Variants in AGFG1 observed in about 807,000 individuals in gnomAD.
AGFG1 encodes the protein arf-GAP domain and FG repeat-containing protein 1.
In AGFG1, 10 loss-of-function variants were observed where a neutral mutation model predicts 60.6. The ratio of observed to expected loss-of-function variants is 0.16; its 90% CI spans 0.10 to 0.28. The LOEUF is 0.28. AGFG1 is among the 10% of genes least tolerant of loss of function. The pLI is 1.00. For missense variants in AGFG1, 537 were observed against 676.5 expected, an observed-to-expected ratio of 0.79 and a Z score of 2.29; for synonymous variants, 247 against 242.9, an observed-to-expected ratio of 1.02 and a Z score of -0.16.
At chr2:227,544,465 G>A (rs1172160788) in intron 10 of AGFG1, among the ~76,000 whole-genome samples, 1 of 152,110 alleles carries the variant, frequency 6.6e-6, no homozygotes, top group African/African-American at 2.4e-5. Flanking sequence ...TACATTTAAG[G>A]TTAATATTGT....
Position 227,552,740 on chromosome 2 carries a change from G to T in AGFG1, c.1537+623G>T, listed in dbSNP as rs113058438. ...ATATGGGCTGGGCGTGGTGGCTTAC[G>T]CCTGTAATCCCAGCACTTTGGGAGG... is the stretch of plus-strand genomic sequence containing the variant. On this transcript the variant is annotated intron_variant, in intron 11 of 12. Coordinates refer to ENST00000310078, the MANE Select transcript of AGFG1 (RefSeq NM_004504.5). 2.2e-3 allele frequency among the ~76,000 whole-genome samples: 330 copies of T among 149,838 alleles called. 1 individual carries two copies. Among genetic ancestry groups the T allele is most frequent in the African/African-American group, 7.8e-3 (316 of 40,774 alleles).
At chr2:227,533,117 A>T (rs548606067) in intron 6 of AGFG1, among the ~76,000 whole-genome samples, 64 of 152,246 alleles carry the variant, frequency 4.2e-4, no homozygotes, top group African/African-American at 1.3e-3. Flanking sequence ...GTTAATCGCT[A>T]CCCCTGGGAT....
In AGFG1 at chr2:227,554,749, A is replaced by G. The variant is rs9973; in HGVS notation, c.*254A>G. The G allele has an allele frequency of 6.2e-4, 226 of 362,430 alleles. No individual in the cohort carries two copies. The highest frequency in any genetic ancestry group is 8.9e-4 in the Non-Finnish European group (178 of 200,372). The allele number at this position is 362,430 out of a possible 1,614,324, so 22.5% of individuals were successfully genotyped here. A position where few individuals can be genotyped will look rare whatever the true frequency, so the allele number is the denominator to read the frequency against. On this transcript the variant is annotated 3_prime_UTR_variant, in exon 13 of 13. Transcript: ENST00000310078. ...AAATTGGCTAATATTAAGTTATTGC[A>G]GATACCACATTCATTATGCTGCAGT...
At chr2:227,530,130 G>T (rs1692115466) in intron 5 of AGFG1, among the ~76,000 whole-genome samples, 1 of 152,052 alleles carries the variant, frequency 6.6e-6, no homozygotes. Flanking sequence ...TTAATTTGGG[G>T]TCTTAAGTTC....
At chr2:227,549,767 A>G (rs191030965) in intron 10 of AGFG1, among the ~76,000 whole-genome samples, 13 of 152,314 alleles carry the variant, frequency 8.5e-5, no homozygotes, top group Admixed American at 5.9e-4. Flanking sequence ...TAATGACTGT[A>G]AAAAAGTTGA....
intron 3 of AGFG1, among the ~76,000 whole-genome samples, chr2:227,521,264 G>T (rs984189447): frequency 6.6e-6 from 1 of 151,772 alleles, no homozygotes; most frequent in South Asian, 2.1e-4. Context: ...ACAGGGTTTC[G>T]CCATGTTGGC....
intron 2 of AGFG1, among the ~76,000 whole-genome samples, chr2:227,510,101 A>G (rs1691450781): frequency 6.6e-6 from 1 of 152,200 alleles, no homozygotes; most frequent in Non-Finnish European, 1.5e-5. Context: ...TCTTAAATTT[A>G]TAAAGCTCTT....
intron 2 of AGFG1, among the ~76,000 whole-genome samples, chr2:227,515,988 T>G (rs957432574): frequency 6.6e-6 from 1 of 152,218 alleles, no homozygotes; most frequent in Non-Finnish European, 1.5e-5. Flanking sequence ...CTGTGTTAAA[T>G]GAATCTTACC....
At chr2:227,539,046 TGAA>T (rs1692399461) in intron 10 of AGFG1, among the ~76,000 whole-genome samples, 1 of 152,240 alleles carries the variant, frequency 6.6e-6, no homozygotes, top group African/African-American at 2.4e-5. Flanking sequence ...CTATTGAAGC[TGAA>T]ATATAAACAA....
At chr2:227,534,786 T>G in intron 7 of AGFG1, 59 bp from the exon 8 acceptor site, 18 of 1,576,608 alleles carry the variant, frequency 1.1e-5, no homozygotes, top group African/African-American at 2.7e-5. Flanking sequence ...CAAATGTGGT[T>G]GATAAGTTGA....
intron 2 of AGFG1, among the ~76,000 whole-genome samples, chr2:227,507,471 C>T (rs999384716): frequency 2.6e-5 from 4 of 151,940 alleles, no homozygotes; most frequent in African/African-American, 9.7e-5. Context: ...GGCGTGGTGG[C>T]ACATGCCTGT....
chr2:227,541,140 A>G (rs1195851371), intron 10 of AGFG1, among the ~76,000 whole-genome samples: 1 of 152,114 alleles, frequency 6.6e-6, no homozygotes, highest in African/African-American at 2.4e-5. Flanking sequence ...CCCATTCTGT[A>G]GGTTGCCTGT....
chr2:227,518,525 T>TC (rs1179005491), intron 2 of AGFG1, among the ~76,000 whole-genome samples: 5 of 150,262 alleles, frequency 3.3e-5, no homozygotes, highest in Admixed American at 2.6e-4. Context: ...TCTTTTTTTT[T>TC]TTTTTTTTTT....
intron 1 of AGFG1, 134 bp from the exon 2 acceptor site, chr2:227,491,413 A>G (rs1690812871): frequency 1.9e-6 from 1 of 520,742 alleles, no homozygotes; most frequent in Non-Finnish European, 3.3e-6. Context: ...ATAATTTAAA[A>G]ATACTTTGAG....
intron 5 of AGFG1, among the ~76,000 whole-genome samples, chr2:227,530,010 A>G (rs1417055784): frequency 1.3e-5 from 2 of 152,088 alleles, no homozygotes; most frequent in Admixed American, 6.6e-5. Context: ...TATCTGTCAG[A>G]TGAATTTGCT....
In AGFG1 at chr2:227,558,126, A is replaced by G. The variant is rs1259970513; in HGVS notation, c.*3631A>G. On this transcript the variant is annotated 3_prime_UTR_variant, in exon 13 of 13. Coordinates refer to ENST00000310078, the MANE Select transcript of AGFG1 (RefSeq NM_004504.5). Reference sequence around the variant, plus strand: ...GTATGAGATAGTCATTTGTAAAACAATTTTCATATTTCATCTCTTACAATC... The same window carrying G: ...GTATGAGATAGTCATTTGTAAAACAGTTTTCATATTTCATCTCTTACAATC... 5 of 152,176 alleles carry G rather than the reference A, an allele frequency of 3.3e-5. No individual in the cohort carries two copies. The South Asian group carries it at 6.2e-4, about 19-fold the overall frequency. 9.4% of individuals were successfully genotyped at this position (152,176 alleles called of 1,614,324 possible). A position where few individuals can be genotyped will look rare whatever the true frequency, so the allele number is the denominator to read the frequency against.
intron 1 of AGFG1, among the ~76,000 whole-genome samples, chr2:227,484,270 C>T (rs190398429): frequency 7.8e-4 from 119 of 152,148 alleles, no homozygotes; most frequent in African/African-American, 2.8e-3. Context: ...CTCACTGCAA[C>T]CTCTGCCTCC....
Position 227,484,677 on chromosome 2 carries a change from GTTTTTTTTTTGTTTTTTTTTTTTTTTT to G in AGFG1, c.168-6859_168-6833del, listed in dbSNP as rs750583292. Among the ~76,000 whole-genome samples the G allele has an allele frequency of 1.7e-3, 196 of 115,892 alleles. 4 individuals are homozygous for G. Among genetic ancestry groups the G allele is most frequent in the African/African-American group, 4.7e-3 (142 of 29,956 alleles). The allele number at this position is 115,892 out of a possible 152,430, so 76.0% of individuals were successfully genotyped here. On this transcript the variant is annotated intron_variant, in intron 1 of 12. Transcript: ENST00000310078. The stretch of plus-strand genomic sequence containing the variant: ...AAGCTTCTTTAATGAAGATCTCTTA[GTTTTTTTTTTGTTTTTTTTTTTTTTTT>G]TTTTTTTTTTTTTTTTTGAGATGGA...
chr2:227,500,698 T>G (rs1691127180), intron 2 of AGFG1, among the ~76,000 whole-genome samples: 2 of 152,248 alleles, frequency 1.3e-5, no homozygotes, highest in Non-Finnish European at 2.9e-5. Flanking sequence ...TCAGTCCATC[T>G]GATATTTCAA....
Sources: allele counts gnomAD v4.1 joint callset (sites outside exome capture counted in the v4.1 genomes callset), GRCh38; gene constraint gnomAD v4.1.1; transcripts MANE v1.5; gene names NCBI Gene and HGNC (gene_info 2026-07-23, HGNC 2026-07-21).